MGAT4C: variants seen among roughly 807,000 people sequenced by gnomAD.
MGAT4C encodes the protein alpha-1,3-mannosyl-glycoprotein 4-beta-N-acetylglucosaminyltransferase C.
In MGAT4C, 19 loss-of-function variants were observed where a neutral mutation model predicts 40.1. The ratio of observed to expected loss-of-function variants is 0.47; its 90% CI spans 0.33 to 0.70. The LOEUF (loss-of-function observed/expected upper bound fraction) is 0.70. Ranked by LOEUF, MGAT4C falls within the 30% of genes least tolerant of loss-of-function variation. The pLI is 0.02. For synonymous variants in MGAT4C, 181 were observed against 187.1 expected (o/e 0.97, Z 0.27); for missense variants, 491 against 563.2 (o/e 0.87, Z 1.30).
intron 1 of MGAT4C, among the ~76,000 whole-genome samples, chr12:86,086,315 C>T (rs532981355): frequency 2.6e-5 from 4 of 152,104 alleles, no homozygotes; most frequent in South Asian, 2.1e-4. Context: ...TGCATATTCT[C>T]AGTCATAAGG....
intron 2 of MGAT4C, among the ~76,000 whole-genome samples, chr12:86,722,951 G>T: frequency 6.6e-6 from 1 of 152,078 alleles, no homozygotes; most frequent in East Asian, 1.9e-4. Context: ...ACCATATGCT[G>T]GTGTTAAACC....
chr12:85,956,289 A>G lies in MGAT4C; in HGVS notation c.*23000T>C, dbSNP rs978534214. 6.6e-6 allele frequency: 1 copy of G among 152,200 alleles called. No individual in the cohort carries two copies. The highest frequency in any genetic ancestry group is 2.4e-5 in the African/African-American group (1 of 41,462). 9.4% of individuals were successfully genotyped at this position (152,200 alleles called of 1,614,324 possible). On this transcript the variant is annotated 3_prime_UTR_variant, in exon 5 of 5. Coordinates refer to ENST00000611864, the MANE Select transcript of MGAT4C (RefSeq NM_001351288.2). The stretch of plus-strand genomic sequence containing the variant: ...AAACCAATTGGCTGCCATCTGTGAC[A>G]CTGGCAGAAAACTGAAAGTGTTGAT...
At chr12:86,281,825 T>A (rs1953227119) in intron 4 of MGAT4C, among the ~76,000 whole-genome samples, 1 of 152,162 alleles carries the variant, frequency 6.6e-6, no homozygotes, top group Non-Finnish European at 1.5e-5. Flanking sequence ...TTTTGCCTGT[T>A]TTTTGTGAAC....
chr12:86,132,540 T>A (rs1480197263), intron 1 of MGAT4C, among the ~76,000 whole-genome samples: 1 of 152,096 alleles, frequency 6.6e-6, no homozygotes, highest in Non-Finnish European at 1.5e-5. Flanking sequence ...ACGCCTGTAA[T>A]CCCAGCACTT....
At chr12:86,239,204 C>T (rs962238845) in intron 1 of MGAT4C, among the ~76,000 whole-genome samples, 1 of 152,026 alleles carries the variant, frequency 6.6e-6, no homozygotes, top group Non-Finnish European at 1.5e-5. Flanking sequence ...AGTGGAGTAA[C>T]TGCAAGTAAT....
intron 1 of MGAT4C, among the ~76,000 whole-genome samples, chr12:86,075,564 T>C (rs1288625870): frequency 6.6e-6 from 1 of 152,160 alleles, no homozygotes; most frequent in African/African-American, 2.4e-5. Flanking sequence ...GGGGCTCTGA[T>C]CCCACACTTC....
At chr12:86,516,244 G>A (rs1161843976) in intron 2 of MGAT4C, among the ~76,000 whole-genome samples, 1 of 152,096 alleles carries the variant, frequency 6.6e-6, no homozygotes, top group East Asian at 1.9e-4. Flanking sequence ...GCTTGCATTA[G>A]GATAGACATA....
At chr12:86,208,340 G>T (rs193253036) in intron 1 of MGAT4C, among the ~76,000 whole-genome samples, 4 of 152,196 alleles carry the variant, frequency 2.6e-5, no homozygotes, top group African/African-American at 9.6e-5. Flanking sequence ...GGTGGCATGC[G>T]CCTGTAATCC....
At chr12:86,729,103 T>TTGA (rs1565951693) in intron 1 of MGAT4C, among the ~76,000 whole-genome samples, 1 of 152,148 alleles carries the variant, frequency 6.6e-6, no homozygotes, top group African/African-American at 2.4e-5. Flanking sequence ...GTAAGGAGAA[T>TTGA]TGATGTTCTG....
chr12:86,136,980 T>C (rs4842541), intron 1 of MGAT4C, among the ~76,000 whole-genome samples: 12,262 of 152,122 alleles, frequency 0.081, 675 homozygotes, highest in Middle Eastern at 0.22. Context: ...GCCGCGCGCC[T>C]GGCTCACTCA....
At chr12:86,107,356 A>ATG (rs551672856) in intron 1 of MGAT4C, among the ~76,000 whole-genome samples, 135 of 151,462 alleles carry the variant, frequency 8.9e-4, no homozygotes, top group African/African-American at 2.7e-3. Flanking sequence ...AAATCATTGT[A>ATG]TGTGTGTGTG....
intron 2 of MGAT4C, among the ~76,000 whole-genome samples, chr12:86,594,880 G>A (rs1247968010): frequency 1.3e-5 from 2 of 152,090 alleles, no homozygotes; most frequent in Non-Finnish European, 2.9e-5. Flanking sequence ...CTTTATATTG[G>A]TTTGGTCTGT....
intron 1 of MGAT4C, among the ~76,000 whole-genome samples, chr12:86,092,556 G>C (rs906204833): frequency 6.6e-6 from 1 of 152,078 alleles, no homozygotes; most frequent in African/African-American, 2.4e-5. Flanking sequence ...TGCAAAATAT[G>C]TGTGCCCCAG....
At chr12:86,420,794 T>TATATAC (rs1555186509) in intron 3 of MGAT4C, among the ~76,000 whole-genome samples, 86 of 148,282 alleles carry the variant, frequency 5.8e-4, no homozygotes, top group Non-Finnish European at 1.1e-3. Flanking sequence ...TATATATATA[T>TATATAC]ACACACACAC....
intron 3 of MGAT4C, among the ~76,000 whole-genome samples, chr12:86,382,787 G>A (rs1955966718): frequency 6.6e-6 from 1 of 152,206 alleles, no homozygotes; most frequent in South Asian, 2.1e-4. Flanking sequence ...TAAGCCCCAA[G>A]CCTTAGAAGT....
intron 1 of MGAT4C, among the ~76,000 whole-genome samples, chr12:86,805,186 G>T (rs1004083711): frequency 6.6e-6 from 1 of 151,884 alleles, no homozygotes; most frequent in Non-Finnish European, 1.5e-5. Context: ...TTACTAGTGG[G>T]ATTGAACAAC....
chr12:85,957,666 A>AAAAAAAAAAAAAAAAAAAG lies in MGAT4C; in HGVS notation c.*21622_*21623insCTTTTTTTTTTTTTTTTTT, dbSNP rs1882876143. ...GAGTTGAATAAGAAAGCAAAAAAAA[A>AAAAAAAAAAAAAAAAAAAG]AAAAAAAGAAAAAAGAAAAAAAAAA... On this transcript the variant is annotated 3_prime_UTR_variant, in exon 5 of 5. Coordinates refer to ENST00000611864, the MANE Select transcript of MGAT4C (RefSeq NM_001351288.2). 6.7e-6 allele frequency: 1 copy of AAAAAAAAAAAAAAAAAAAG among 149,754 alleles called. No homozygotes were observed. Among genetic ancestry groups the AAAAAAAAAAAAAAAAAAAG allele is most frequent in the Non-Finnish European group, 1.5e-5 (1 of 67,536 alleles). 9.3% of individuals were successfully genotyped at this position (149,754 alleles called of 1,614,324 possible).
intron 4 of MGAT4C, among the ~76,000 whole-genome samples, chr12:86,277,826 T>C (rs371677564): frequency 6.6e-6 from 1 of 152,206 alleles, no homozygotes; most frequent in African/African-American, 2.4e-5. Context: ...AGTCAGGTAA[T>C]ATGATTCCTC....
At chr12:86,778,173 A>C (rs1951776227) in intron 1 of MGAT4C, among the ~76,000 whole-genome samples, 1 of 152,194 alleles carries the variant, frequency 6.6e-6, no homozygotes, top group South Asian at 2.1e-4. Context: ...AAAGATAAGG[A>C]TAATGTATTT....
Sources: gnomAD v4.1 joint callset for allele counts (sites outside exome capture counted in the v4.1 genomes callset) on GRCh38, gnomAD v4.1.1 for gene constraint, MANE v1.5 for transcripts, NCBI Gene and HGNC (gene_info 2026-07-23, HGNC 2026-07-21) for gene names.